Variants in EFNA5 observed in about 807,000 individuals in gnomAD.
EFNA5 encodes the protein ephrin-A5.
In EFNA5, 5 loss-of-function variants were observed where a neutral mutation model predicts 22.9. The observed-to-expected ratio is 0.22, with a 90% CI of 0.11 to 0.46. The LOEUF is 0.46. Among genes scored for constraint, EFNA5 ranks in the 20% least tolerant of loss-of-function variants. The probability of loss-of-function intolerance (pLI) is 0.99; values close to 1 mark genes in which losing one functional copy is unlikely to be tolerated. For synonymous variants in EFNA5, 113 were observed against 112.2 expected, an observed-to-expected ratio of 1.01 and a Z score of -0.04; for missense variants, 237 against 293.3, an observed-to-expected ratio of 0.81 and a Z score of 1.40.
intron 2 of EFNA5, among the ~76,000 whole-genome samples, chr5:107,422,543 C>T (rs1748698990): frequency 6.6e-6 from 1 of 152,182 alleles, no homozygotes; most frequent in African/African-American, 2.4e-5. Context: ...CACGTGAATG[C>T]CTGGGGCAAT....
At chr5:107,527,893 T>TC (rs1264693385) in intron 1 of EFNA5, among the ~76,000 whole-genome samples, 1 of 151,922 alleles carries the variant, frequency 6.6e-6, no homozygotes, top group African/African-American at 2.4e-5. Context: ...GGCCTTCTCC[T>TC]CCCCCTCAGT....
At chr5:107,464,538 G>A (rs902068125) in intron 1 of EFNA5, among the ~76,000 whole-genome samples, 42 of 152,268 alleles carry the variant, frequency 2.8e-4, no homozygotes, top group African/African-American at 9.9e-4. Flanking sequence ...TCTGAGCCCA[G>A]ACCTTCTCCT....
At chr5:107,459,160 G>A (rs1749771431) in intron 1 of EFNA5, among the ~76,000 whole-genome samples, 1 of 152,086 alleles carries the variant, frequency 6.6e-6, no homozygotes, top group African/African-American at 2.4e-5. Flanking sequence ...TTGAGAGGCT[G>A]AGGCAGGTGG....
chr5:107,571,044 C>G (rs1356334318), intron 1 of EFNA5, among the ~76,000 whole-genome samples: 2 of 152,220 alleles, frequency 1.3e-5, no homozygotes, highest in Non-Finnish European at 2.9e-5. Flanking sequence ...TTCTCTCTCT[C>G]TCTCAACAGG....
At position 107,515,003 on chromosome 5, in the gene EFNA5, G is replaced by C. The variant is rs367634106; in HGVS notation, c.126-87494C>G. ...TGGGTGAATGCCGGCAGGAACTAAG[G>C]ACTAGACATGTGCAGGATGGCAGCT... On this transcript the variant is annotated intron_variant, in intron 1 of 4. Coordinates refer to ENST00000333274, the MANE Select transcript of EFNA5 (RefSeq NM_001962.3). Among the ~76,000 whole-genome samples, 496 of 152,290 alleles carry C rather than the reference G, an allele frequency of 3.3e-3. 1 individual carries two copies. The highest frequency in any genetic ancestry group is 6.8e-3 in the Middle Eastern group (2 of 294).
At chr5:107,587,415 T>G (rs1008913852) in intron 1 of EFNA5, among the ~76,000 whole-genome samples, 1 of 152,202 alleles carries the variant, frequency 6.6e-6, no homozygotes, top group African/African-American at 2.4e-5. Flanking sequence ...GTTTTTAAAG[T>G]TATGAAAAAT....
intron 1 of EFNA5, among the ~76,000 whole-genome samples, chr5:107,470,987 C>G (rs1750124324): frequency 6.6e-6 from 1 of 152,166 alleles, no homozygotes; most frequent in Non-Finnish European, 1.5e-5. Flanking sequence ...CTTCTCAGAT[C>G]TCTCAGAACC....
At chr5:107,453,766 T>A (rs1175943197) in intron 1 of EFNA5, among the ~76,000 whole-genome samples, 2 of 152,170 alleles carry the variant, frequency 1.3e-5, no homozygotes, top group African/African-American at 2.4e-5. Context: ...GAGGAGGTAT[T>A]ATTGAAATAC....
rs29640 is a variant in EFNA5, at chr5:107,482,822, C to G, written c.126-55313G>C. ...TCTCTCTCTCTCTCTCTGTCTCTCT[C>G]TCTGTCTCTGTCTCTCTCTCTCTCT... On this transcript the variant is annotated intron_variant, in intron 1 of 4. Coordinates refer to ENST00000333274, the MANE Select transcript of EFNA5 (RefSeq NM_001962.3). Among the ~76,000 whole-genome samples the G allele has an allele frequency of 1.2e-3, 68 of 54,504 alleles. 2 individuals carry two copies. The South Asian group carries it at 0.028, about 23-fold the overall frequency. 35.8% of individuals were successfully genotyped at this position (54,504 alleles called of 152,430 possible). A position where few individuals can be genotyped will look rare whatever the true frequency, so the allele number is the denominator to read the frequency against.
chr5:107,436,960 T>C (rs929622202), intron 1 of EFNA5, among the ~76,000 whole-genome samples: 3 of 152,176 alleles, frequency 2.0e-5, no homozygotes, highest in African/African-American at 7.2e-5. Context: ...CTCCTTTTTA[T>C]TGACCAACTC....
intron 1 of EFNA5, among the ~76,000 whole-genome samples, chr5:107,494,394 G>A (rs970370824): frequency 6.6e-6 from 1 of 152,226 alleles, no homozygotes; most frequent in Non-Finnish European, 1.5e-5. Flanking sequence ...CCAGGCCAGC[G>A]GCTGCGGAGG....
intron 1 of EFNA5, among the ~76,000 whole-genome samples, chr5:107,594,879 C>G (rs1257235914): frequency 6.6e-6 from 1 of 152,218 alleles, no homozygotes; most frequent in Non-Finnish European, 1.5e-5. Context: ...CATTGCTCAA[C>G]CGTTCATTCT....
intron 1 of EFNA5, among the ~76,000 whole-genome samples, chr5:107,620,324 C>G (rs1007981180): frequency 1.3e-5 from 2 of 152,108 alleles, no homozygotes; most frequent in Non-Finnish European, 2.9e-5. Context: ...ATATTTGTAC[C>G]GTAAATTACC....
chr5:107,571,813 C>T (rs1202008772), intron 1 of EFNA5, among the ~76,000 whole-genome samples: 1 of 152,138 alleles, frequency 6.6e-6, no homozygotes, highest in African/African-American at 2.4e-5. Flanking sequence ...TAGAGACACT[C>T]CTTTATGGCG....
intron 2 of EFNA5, among the ~76,000 whole-genome samples, chr5:107,401,146 T>C (rs1164574694): frequency 2.0e-5 from 3 of 152,210 alleles, no homozygotes; most frequent in Admixed American, 1.3e-4. Context: ...AGCTAACATA[T>C]AAAAACAAGT....
chr5:107,380,084 C>A lies in EFNA5; in HGVS notation c.*1171G>T, dbSNP rs1747396319. The A allele has an allele frequency of 6.6e-6, 1 of 151,918 alleles. No individual in the cohort carries two copies. Among genetic ancestry groups the A allele is most frequent in the Non-Finnish European group, 1.5e-5 (1 of 67,986 alleles). 9.4% of individuals were successfully genotyped at this position (151,918 alleles called of 1,614,324 possible). ...TTTCCAAATTTCCCTTTAGCCCTCCCAAGTAGTGCTGACTGACTCTCCTGG... is the reference window on the plus strand; with the variant it reads ...TTTCCAAATTTCCCTTTAGCCCTCCAAAGTAGTGCTGACTGACTCTCCTGG... On this transcript the variant is annotated 3_prime_UTR_variant, in exon 5 of 5. Transcript: ENST00000333274.
At chr5:107,386,479 C>T (rs889475105) in intron 4 of EFNA5, among the ~76,000 whole-genome samples, 2 of 152,164 alleles carry the variant, frequency 1.3e-5, no homozygotes, top group Non-Finnish European at 2.9e-5. Context: ...AGACTAATGC[C>T]TCAACGAGTG....
intron 1 of EFNA5, among the ~76,000 whole-genome samples, chr5:107,587,752 C>T (rs900860786): frequency 6.6e-6 from 1 of 152,254 alleles, no homozygotes; most frequent in African/African-American, 2.4e-5. Context: ...CTCCTAACCT[C>T]GTGATCCGCC....
At chr5:107,605,622 G>C (rs1016473825) in intron 1 of EFNA5, among the ~76,000 whole-genome samples, 1 of 151,236 alleles carries the variant, frequency 6.6e-6, no homozygotes, top group Non-Finnish European at 1.5e-5. Flanking sequence ...TTTCAATATG[G>C]TTCATTGCCA....
Sources: gnomAD v4.1 joint callset for allele counts (sites outside exome capture counted in the v4.1 genomes callset) on GRCh38, gnomAD v4.1.1 for gene constraint, MANE v1.5 for transcripts, NCBI Gene and HGNC (gene_info 2026-07-23, HGNC 2026-07-21) for gene names.